SAMD3: variants seen among roughly 807,000 people sequenced by gnomAD.
SAMD3 encodes sterile alpha motif domain containing 3.
A neutral mutation model predicts 58.5 loss-of-function variants in SAMD3; 63 were observed. The observed-to-expected ratio is 1.08, with a 90% CI of 0.88 to 1.33. SAMD3 has a LOEUF of 1.33. SAMD3 is among the 40% of genes most tolerant of loss of function. SAMD3 has a pLI of 0.00. For missense variants in SAMD3, 604 were observed against 608.4 expected (o/e 0.99, Z 0.08); for synonymous variants, 220 against 210.3 (o/e 1.05, Z -0.40).
chr6:130,200,557 C>CAAAA lies in SAMD3; in HGVS notation c.383+8934_383+8937dup, dbSNP rs11375395. On this transcript the variant is annotated intron_variant, in intron 5 of 11. Transcript: ENST00000439090. ...GAGCCAGACTCTGTCCCCCGACCCACAAAAAAAAAAAAAAAAAAAAAGGGG... is the reference window on the plus strand; with the variant it reads ...GAGCCAGACTCTGTCCCCCGACCCACAAAAAAAAAAAAAAAAAAAAAAAAAGGGG... Among the ~76,000 whole-genome samples the CAAAA allele has an allele frequency of 1.3e-4, 13 of 97,096 alleles. 1 individual carries two copies. The highest frequency in any genetic ancestry group is 2.8e-4 in the Admixed American group (2 of 7,224). 63.7% of individuals were successfully genotyped at this position (97,096 alleles called of 152,430 possible).
At chr6:130,191,104 T>C (rs1016548302) in intron 5 of SAMD3, among the ~76,000 whole-genome samples, 4 of 151,884 alleles carry the variant, frequency 2.6e-5, no homozygotes, top group African/African-American at 9.7e-5. Flanking sequence ...AACTGTCATA[T>C]GCATGATAAT....
chr6:130,310,350 T>A (rs970448801), intron 2 of SAMD3, among the ~76,000 whole-genome samples: 2 of 152,222 alleles, frequency 1.3e-5, no homozygotes, highest in Non-Finnish European at 2.9e-5. Flanking sequence ...ATAAGGAGAA[T>A]TTTTACTGAT....
intron 1 of SAMD3, among the ~76,000 whole-genome samples, chr6:130,325,491 G>A (rs1190976375): frequency 6.6e-6 from 1 of 152,104 alleles, no homozygotes; most frequent in Non-Finnish European, 1.5e-5. Context: ...ACCCACACTC[G>A]TGAGGGCCAT....
At chr6:130,278,759 C>T (rs1386854903) in intron 2 of SAMD3, among the ~76,000 whole-genome samples, 3 of 152,062 alleles carry the variant, frequency 2.0e-5, no homozygotes, top group Non-Finnish European at 4.4e-5. Flanking sequence ...TTTTCCTGCA[C>T]AATAAGGAGC....
chr6:130,350,018 A>G (rs1414508404), intron 1 of SAMD3, among the ~76,000 whole-genome samples: 1 of 152,230 alleles, frequency 6.6e-6, no homozygotes, highest in Admixed American at 6.5e-5. Context: ...ACAAAATTCA[A>G]CAGCCCTTCA....
At chr6:130,146,516 C>G (rs368208090) in intron 9 of SAMD3, among the ~76,000 whole-genome samples, 1 of 152,192 alleles carries the variant, frequency 6.6e-6, no homozygotes, top group Non-Finnish European at 1.5e-5. Flanking sequence ...TAAGATCTTA[C>G]ATTTCTTTAG....
intron 9 of SAMD3, among the ~76,000 whole-genome samples, chr6:130,149,700 G>A (rs560496816): frequency 3.9e-4 from 59 of 152,264 alleles, no homozygotes; most frequent in Admixed American, 2.7e-3. Context: ...AATAGACCCC[G>A]GAGTCCACTT....
At chr6:130,262,746 A>G (rs1393169158) in intron 2 of SAMD3, among the ~76,000 whole-genome samples, 1 of 152,180 alleles carries the variant, frequency 6.6e-6, no homozygotes, top group East Asian at 1.9e-4. Context: ...AAGGAGCCAT[A>G]AGAATGTAAA....
At chr6:130,273,766 A>G (rs1275859193) in intron 2 of SAMD3, among the ~76,000 whole-genome samples, 1 of 152,122 alleles carries the variant, frequency 6.6e-6, no homozygotes, top group East Asian at 1.9e-4. Context: ...GTATGCTTTA[A>G]TTGCATGCAA....
chr6:130,287,103 G>C (rs1453863073), intron 2 of SAMD3, among the ~76,000 whole-genome samples: 1 of 152,080 alleles, frequency 6.6e-6, no homozygotes, highest in Non-Finnish European at 1.5e-5. Context: ...CGTTTTGCTT[G>C]GCTCCAGTTT....
intron 5 of SAMD3, among the ~76,000 whole-genome samples, chr6:130,205,890 T>C (rs1252582516): frequency 6.6e-6 from 1 of 152,150 alleles, no homozygotes; most frequent in Non-Finnish European, 1.5e-5. Flanking sequence ...CCATACACCA[T>C]GACACAAAAA....
chr6:130,274,654 C>A (rs934130076), intron 2 of SAMD3, among the ~76,000 whole-genome samples: 1 of 151,950 alleles, frequency 6.6e-6, no homozygotes, highest in Non-Finnish European at 1.5e-5. Flanking sequence ...TTCTCTTTCC[C>A]ATTTTGAAGG....
intron 2 of SAMD3, among the ~76,000 whole-genome samples, chr6:130,267,979 G>A (rs1774422179): frequency 6.6e-6 from 1 of 152,082 alleles, no homozygotes; most frequent in African/African-American, 2.4e-5. Flanking sequence ...CAAAAGCATG[G>A]TGGTCCCATT....
At chr6:130,245,181 G>A (rs1001701892) in intron 2 of SAMD3, among the ~76,000 whole-genome samples, 10 of 152,198 alleles carry the variant, frequency 6.6e-5, no homozygotes, top group African/African-American at 2.4e-4. Flanking sequence ...CTAAAGTTGT[G>A]TGGAAAGTGC....
chr6:130,287,943 C>CAAA (rs3029967), intron 2 of SAMD3, among the ~76,000 whole-genome samples: 35 of 107,066 alleles, frequency 3.3e-4, no homozygotes, highest in Admixed American at 6.3e-4. Flanking sequence ...GACTCCGTCT[C>CAAA]AAAAAAAAAA....
rs1279960406 is a variant in SAMD3 at position 130,312,213 on chromosome 6, A to G, written c.-188+765T>C. ...GGACACATTTCATGTGTAAATTGAG[A>G]CTTCGTTTTGTGACTTTAAGTGATG... On this transcript the variant is annotated intron_variant, in intron 2 of 13. Coordinates refer to the SAMD3 transcript ENST00000368134. Among the ~76,000 whole-genome samples the G allele has an allele frequency of 3.3e-5, 5 of 152,268 alleles. No homozygotes were observed. In the East Asian group the frequency reaches 9.7e-4, roughly 29 times the overall value.
chr6:130,361,097 C>T (rs1179624536), intron 1 of SAMD3, among the ~76,000 whole-genome samples: 1 of 151,984 alleles, frequency 6.6e-6, no homozygotes, highest in African/African-American at 2.4e-5. Flanking sequence ...CCTGAGGCAA[C>T]ATATATCCTC....
intron 8 of SAMD3, among the ~76,000 whole-genome samples, chr6:130,173,993 A>C (rs770766191): frequency 1.7e-4 from 26 of 152,200 alleles, no homozygotes; most frequent in Admixed American, 1.6e-3. Flanking sequence ...AAAACTGCCT[A>C]CTAAAGCCCC....
At chr6:130,334,378 G>A (rs1269670734) in intron 1 of SAMD3, among the ~76,000 whole-genome samples, 2 of 149,610 alleles carry the variant, frequency 1.3e-5, no homozygotes, top group Non-Finnish European at 2.9e-5. Flanking sequence ...GGTCCTCACG[G>A]CATTGGGTTT....
Sources: gnomAD v4.1 joint callset for allele counts (sites outside exome capture counted in the v4.1 genomes callset) on GRCh38, gnomAD v4.1.1 for gene constraint, MANE v1.5 for transcripts, NCBI Gene and HGNC (gene_info 2026-07-23, HGNC 2026-07-21) for gene names.